The following PLXNA2 variants were observed in gnomAD, a reference collection of about 807,000 sequenced individuals.
PLXNA2 encodes plexin A2, also known as plexin-A2.
A neutral mutation model predicts 193.5 loss-of-function variants in PLXNA2; 91 were observed. The observed-to-expected ratio is 0.47, with a 90% confidence interval of 0.40 to 0.56. The LOEUF (loss-of-function observed/expected upper bound fraction) is 0.56. PLXNA2 is among the 20% of genes least tolerant of loss of function. PLXNA2 has a pLI of 0.00. For missense variants in PLXNA2, 1,995 were observed against 2,503.2 expected (o/e 0.80, Z 4.33); for synonymous variants, 997 against 1,027.3 (o/e 0.97, Z 0.56).
intron 1 of PLXNA2, among the ~76,000 whole-genome samples, chr1:208,233,780 G>A (rs1671766656): frequency 6.6e-6 from 1 of 152,230 alleles, no homozygotes; most frequent in Non-Finnish European, 1.5e-5. Context: ...AACACAAACA[G>A]TGCCCACAGT....
At chr1:208,152,748 G>C (rs779499867) in intron 3 of PLXNA2, among the ~76,000 whole-genome samples, 3 of 148,086 alleles carry the variant, frequency 2.0e-5, no homozygotes, top group Non-Finnish European at 4.4e-5. Context: ...TAATAATTTA[G>C]AAGAGTTCAT....
chr1:208,132,120 C>T (rs902067929), intron 4 of PLXNA2, among the ~76,000 whole-genome samples: 1 of 152,200 alleles, frequency 6.6e-6, no homozygotes, highest in Non-Finnish European at 1.5e-5. Flanking sequence ...TGCATTCTGA[C>T]CACCTGCAGA....
chr1:208,077,338 C>A (rs1359752276), intron 12 of PLXNA2, among the ~76,000 whole-genome samples: 8 of 152,142 alleles, frequency 5.3e-5, no homozygotes, highest in Admixed American at 5.2e-4. Context: ...TAATTAGCCT[C>A]GCGTAGCCTG....
chr1:208,113,480 TC>T (rs1001246239), intron 4 of PLXNA2, among the ~76,000 whole-genome samples: 6 of 151,382 alleles, frequency 4.0e-5, no homozygotes, highest in Admixed American at 2.0e-4. Context: ...TCCCTTGCCT[TC>T]CAGTCTCCAA....
intron 5 of PLXNA2, among the ~76,000 whole-genome samples, chr1:208,101,094 C>G (rs1667082611): frequency 6.6e-6 from 1 of 152,220 alleles, no homozygotes; most frequent in Non-Finnish European, 1.5e-5. Context: ...CTAAAGTGAG[C>G]TCTTGACTGG....
chr1:208,075,227 C>T (rs187618676), intron 12 of PLXNA2, among the ~76,000 whole-genome samples: 1 of 152,144 alleles, frequency 6.6e-6, no homozygotes, highest in East Asian at 1.9e-4. Flanking sequence ...AGGAGAATCC[C>T]TTGAACCCGG....
chr1:208,027,869 C>A (rs895048965), intron 31 of PLXNA2, 140 bp downstream of exon 31: 5 of 675,590 alleles, frequency 7.4e-6, no homozygotes, highest in Non-Finnish European at 9.3e-6. Context: ...TGAGTTGCCT[C>A]ATAAAGGAAT....
chr1:208,154,790 C>G (rs138891705), intron 3 of PLXNA2, among the ~76,000 whole-genome samples: 1 of 152,164 alleles, frequency 6.6e-6, no homozygotes, highest in Non-Finnish European at 1.5e-5. Context: ...GTGGAGGCCA[C>G]GCAGGGGCAC....
In PLXNA2 at chr1:208,027,105, C is replaced by A; in HGVS notation, c.*138G>T. The A allele has an allele frequency of 1.3e-6, 1 of 765,582 alleles. No individual in the cohort carries two copies. The highest frequency in any genetic ancestry group is 2.2e-6 in the Non-Finnish European group (1 of 464,710). 47.4% of individuals were successfully genotyped at this position (765,582 alleles called of 1,614,324 possible). Reference sequence around the variant, plus strand: ...ACTTGGCTGGCGTAGGGAGAGGAGTCCTCCCCTCTCCCCAGGATGGGGTCT... The same window carrying A: ...ACTTGGCTGGCGTAGGGAGAGGAGTACTCCCCTCTCCCCAGGATGGGGTCT... On this transcript the variant is annotated 3_prime_UTR_variant, in exon 32 of 32. Transcript: ENST00000367033.
intron 2 of PLXNA2, among the ~76,000 whole-genome samples, chr1:208,215,289 C>T (rs887390053): frequency 5.3e-5 from 8 of 152,182 alleles, no homozygotes; most frequent in African/African-American, 1.4e-4. Context: ...AGCCACCGCA[C>T]CCAGCCGATC....
In PLXNA2 at chr1:208,042,310, G is replaced by A. The variant is rs1282596988; in HGVS notation, c.4074C>T (p.Leu1358=). Residue 1358 remains leucine, a synonymous_variant, in exon 22 of 32, where the codon CTC becomes CTT. Transcript: ENST00000367033. ...VEKALKLFAQ[L]INNKVFLLTF... ...TCAGCAGGAACACCTTGTTGTTGAT[G>A]AGCTGGGCAAAGAGCTTCAGGGCCT... 6.2e-7 allele frequency: 1 copy of A among 1,614,066 alleles called. No homozygotes were observed. Among genetic ancestry groups the A allele is most frequent in the African/African-American group, 1.3e-5 (1 of 74,914 alleles).
rs1174855117 is a variant in PLXNA2 at position 208,028,330 on chromosome 1, G to A, written c.5439-171C>T. ...CTTGCTTCATGCTGAGGTTGAGGCT[G>A]AAGGCCAGAGTTTCTTCAGTAGATT... On this transcript the variant is annotated intron_variant, in intron 30 of 31. Coordinates refer to ENST00000367033, the MANE Select transcript of PLXNA2 (RefSeq NM_025179.4). The surrounding 1 kb of genome is among the most constrained non-coding windows in gnomAD (Gnocchi z 4.2). 6.6e-6 allele frequency among the ~76,000 whole-genome samples: 1 copy of A among 152,210 alleles called. No homozygotes were observed. Among genetic ancestry groups the A allele is most frequent in the Non-Finnish European group, 1.5e-5 (1 of 68,040 alleles).
At chr1:208,197,317 G>C (rs115852319) in intron 3 of PLXNA2, among the ~76,000 whole-genome samples, 1,550 of 152,292 alleles carry the variant, frequency 0.01, 24 homozygotes, top group East Asian at 0.074. Context: ...GTTGGAAAAG[G>C]GTTAGATAAC....
chr1:208,049,491 C>A (rs1000074355), intron 17 of PLXNA2, among the ~76,000 whole-genome samples: 7 of 152,028 alleles, frequency 4.6e-5, no homozygotes, highest in Non-Finnish European at 8.8e-5. Context: ...GAGGCATGCG[C>A]TCACCTAGCC....
At chr1:208,084,679 G>A in intron 9 of PLXNA2, 99 bp from the exon 10 acceptor site, 1 of 1,135,294 alleles carries the variant, frequency 8.8e-7, no homozygotes, top group Admixed American at 2.2e-5. Context: ...AGCTGCCCAA[G>A]AGCAGGATAT....
chr1:208,215,937 A>T (rs897452278), intron 2 of PLXNA2, among the ~76,000 whole-genome samples: 24 of 151,886 alleles, frequency 1.6e-4, no homozygotes, highest in East Asian at 7.7e-4. Flanking sequence ...CTTTGCCCAC[A>T]CTCCTGATTC....
At chr1:208,199,465 G>C (rs1670468004) in intron 3 of PLXNA2, among the ~76,000 whole-genome samples, 1 of 152,158 alleles carries the variant, frequency 6.6e-6, no homozygotes, top group Admixed American at 6.5e-5. Flanking sequence ...GGCCAAGGTG[G>C]GTGGATCACA....
chr1:208,220,599 AT>A (rs71303058), intron 1 of PLXNA2, among the ~76,000 whole-genome samples: 1,820 of 139,762 alleles, frequency 0.013, 26 homozygotes, highest in African/African-American at 0.033. Context: ...CACCCGCCTA[AT>A]TTTTTTTTTT....
At chr1:208,136,247 T>C (rs1048651863) in intron 4 of PLXNA2, among the ~76,000 whole-genome samples, 2 of 152,208 alleles carry the variant, frequency 1.3e-5, no homozygotes, top group Non-Finnish European at 2.9e-5. Context: ...AATTCCTGAC[T>C]TACACAGTCT....
Sources: allele counts gnomAD v4.1 joint callset (sites outside exome capture counted in the v4.1 genomes callset), GRCh38; gene constraint gnomAD v4.1.1; non-coding constraint Gnocchi (gnomAD v3.1); transcripts MANE v1.5; gene names NCBI Gene and HGNC (gene_info 2026-07-23, HGNC 2026-07-21).